Variants in GPRIN3 observed in about 807,000 individuals in gnomAD.
GPRIN3 encodes GPRIN family member 3, also known as G protein-regulated inducer of neurite outgrowth 3.
Under a neutral mutation model 13.7 loss-of-function variants are expected in GPRIN3, and 12 were observed. The observed-to-expected ratio is 0.87, with a 90% CI of 0.56 to 1.42. The LOEUF is 1.42. Ranked by LOEUF, GPRIN3 falls within the 40% of genes most tolerant of loss-of-function variation. The probability of loss-of-function intolerance (pLI) is 0.00; values close to 1 mark genes in which losing one functional copy is unlikely to be tolerated. For synonymous variants in GPRIN3, 377 were observed against 372.7 expected (o/e 1.01, Z -0.13); for missense variants, 1,009 against 958.7 (o/e 1.05, Z -0.69).
intron 1 of GPRIN3, among the ~76,000 whole-genome samples, chr4:89,256,162 T>C (rs1405014506): frequency 1.3e-5 from 2 of 152,186 alleles, no homozygotes; most frequent in Non-Finnish European, 2.9e-5. Flanking sequence ...TGCTTCCTTA[T>C]TAACTGTAAC....
intron 1 of GPRIN3, among the ~76,000 whole-genome samples, chr4:89,270,612 A>G (rs1271170692): frequency 7.6e-6 from 1 of 131,844 alleles, no homozygotes; most frequent in Non-Finnish European, 1.6e-5. Flanking sequence ...AAATATAGAT[A>G]TATATGCAGC....
At chr4:89,271,635 G>A (rs1267379509) in intron 1 of GPRIN3, among the ~76,000 whole-genome samples, 1 of 151,930 alleles carries the variant, frequency 6.6e-6, no homozygotes, top group Non-Finnish European at 1.5e-5. Context: ...TTTGATCCAT[G>A]GTTGGAGGAA....
In GPRIN3 at chr4:89,247,926, T is replaced by C. The variant is rs766826536; in HGVS notation, c.2185A>G (p.Ser729Gly). The change falls in exon 2 of 2, where the codon AGC (serine) becomes GGC (glycine). Residue 729 changes from serine to glycine, a missense_variant. Transcript: ENST00000609438. ...GAGGAAATGGATCTCCGGGTCTGGC[T>C]ATTTTGAGTTTTGATTAATTTCTCA... ...EHEKLIKTQN[S>G]QTRRSISSDT... The C allele has an allele frequency of 3.8e-5, 61 of 1,614,064 alleles. No individual in the cohort carries two copies. Among genetic ancestry groups the C allele is most frequent in the Non-Finnish European group, 4.5e-5 (53 of 1,180,018 alleles).
In GPRIN3 at chr4:89,275,464, G is replaced by A. The variant is rs545231970; in HGVS notation, c.-123-25231C>T. Among the ~76,000 whole-genome samples, 43 of 152,240 alleles carry A rather than the reference G, an allele frequency of 2.8e-4. 2 individuals are homozygous for A. The South Asian group carries it at 8.9e-3, about 32-fold the overall frequency. ...CACATTCCTTGACCTTAGGTTATGT[G>A]GGTATCTTGGAATCAGTAGAAAAAG... On this transcript the variant is annotated intron_variant, in intron 1 of 1. Coordinates refer to ENST00000609438, the MANE Select transcript of GPRIN3 (RefSeq NM_198281.3).
In GPRIN3 at chr4:89,248,933, T is replaced by A. The variant is rs1165691051; in HGVS notation, c.1178A>T (p.His393Leu). 3 of 1,614,224 alleles carry A rather than the reference T, an allele frequency of 1.9e-6. No individual in the cohort carries two copies. The highest frequency in any genetic ancestry group is 2.5e-6 in the Non-Finnish European group (3 of 1,180,030). Residue 393 changes from histidine to leucine, a missense_variant, in exon 2 of 2, where the codon CAC (histidine) becomes CTC (leucine). By Grantham distance (99) the His-to-Leu change is moderately conservative. Transcript: ENST00000609438. The stretch of plus-strand genomic sequence containing the variant: ...AGACTCAGCTGCAGCTGCCTGAATG[T>A]GCACCTGTGGCATGATGCCAGGGCA... ...SQCPGIMPQVHIQAAAAESTA... is the reference protein window; with the variant it reads ...SQCPGIMPQVLIQAAAAESTA...
rs373856944 is a variant in GPRIN3, at chr4:89,248,903, G to C, written c.1208C>G (p.Ala403Gly). The C allele has an allele frequency of 8.1e-6, 13 of 1,614,074 alleles. No individual in the cohort carries two copies. The South Asian group carries it at 1.1e-4, about 14-fold the overall frequency. ...HIQAAAAEST[A>G]FQRENKLASL... ...CGCAAGTTTATTTTCCCGTTGGAAA[G>C]CTGTAGACTCAGCTGCAGCTGCCTG... Residue 403 changes from alanine to glycine, a missense_variant, in exon 2 of 2, where the codon GCT (alanine) becomes GGT (glycine). Coordinates refer to ENST00000609438, the MANE Select transcript of GPRIN3 (RefSeq NM_198281.3).
At chr4:89,283,812 T>G (rs1381714553) in intron 1 of GPRIN3, among the ~76,000 whole-genome samples, 1 of 151,510 alleles carries the variant, frequency 6.6e-6, no homozygotes, top group African/African-American at 2.4e-5. Flanking sequence ...TGGTTGAGGG[T>G]GGGGTGGGGC....
chr4:89,262,537 G>A (rs894697759), intron 1 of GPRIN3, among the ~76,000 whole-genome samples: 1 of 152,208 alleles, frequency 6.6e-6, no homozygotes, highest in African/African-American at 2.4e-5. Flanking sequence ...TGTCAGTGAT[G>A]ATGGATTCGT....
chr4:89,253,155 G>C (rs7440107), intron 1 of GPRIN3, among the ~76,000 whole-genome samples: 1 of 152,066 alleles, frequency 6.6e-6, no homozygotes, highest in East Asian at 1.9e-4. Context: ...GCCCCGGAAG[G>C]AAAAGAAAGA....
Position 89,306,484 on chromosome 4 carries a change from C to T in GPRIN3, c.-124+1131G>A, listed in dbSNP as rs147076951. On this transcript the variant is annotated intron_variant, in intron 1 of 1. Transcript: ENST00000609438. ...TGTAAACACTTCAGTTTCTTCTAGT[C>T]CCACCATGACCCAGATACCTTGCAA... Among the ~76,000 whole-genome samples the T allele has an allele frequency of 8.2e-3, 1,245 of 152,280 alleles. 12 individuals are homozygous for T. Among genetic ancestry groups the T allele is most frequent in the Middle Eastern group, 0.021 (6 of 292 alleles).
At chr4:89,274,422 C>T (rs187533172) in intron 1 of GPRIN3, among the ~76,000 whole-genome samples, 9 of 152,140 alleles carry the variant, frequency 5.9e-5, no homozygotes, top group East Asian at 3.9e-4. Context: ...CCAGGGGGTT[C>T]GTGACGTCAA....
chr4:89,279,339 C>A (rs994201328), intron 1 of GPRIN3, among the ~76,000 whole-genome samples: 3 of 152,206 alleles, frequency 2.0e-5, no homozygotes, highest in African/African-American at 7.2e-5. Flanking sequence ...CGCCCTGCCA[C>A]CATGGCCATA....
chr4:89,260,723 T>C (rs1369252569), intron 1 of GPRIN3, among the ~76,000 whole-genome samples: 3 of 152,146 alleles, frequency 2.0e-5, no homozygotes, highest in African/African-American at 7.2e-5. Context: ...CTAGAAAAAG[T>C]TGCCCCTATG....
intron 1 of GPRIN3, among the ~76,000 whole-genome samples, chr4:89,300,622 G>A (rs931239668): frequency 7.9e-5 from 12 of 152,150 alleles, no homozygotes; most frequent in African/African-American, 2.9e-4. Context: ...GATGCTCACA[G>A]CAAAGCTTTC....
chr4:89,291,572 A>G (rs553645140), intron 1 of GPRIN3, among the ~76,000 whole-genome samples: 1 of 152,194 alleles, frequency 6.6e-6, no homozygotes, highest in Non-Finnish European at 1.5e-5. Context: ...TTATTCCTTT[A>G]CTAGTTGAGG....
chr4:89,270,288 T>C (rs1320580140), intron 1 of GPRIN3, among the ~76,000 whole-genome samples: 1 of 151,526 alleles, frequency 6.6e-6, no homozygotes, highest in Non-Finnish European at 1.5e-5. Context: ...ACCTGGCGAC[T>C]AAGTAAGTCT....
chr4:89,275,915 T>A (rs1724080830), intron 1 of GPRIN3, among the ~76,000 whole-genome samples: 1 of 152,210 alleles, frequency 6.6e-6, no homozygotes, highest in Non-Finnish European at 1.5e-5. Context: ...GGGTCAGTTT[T>A]ATGTGGAGCT....
intron 1 of GPRIN3, among the ~76,000 whole-genome samples, chr4:89,258,666 G>T (rs1484191480): frequency 6.6e-6 from 1 of 152,192 alleles, no homozygotes; most frequent in African/African-American, 2.4e-5. Flanking sequence ...CTGGGTATGG[G>T]GAGGGCACCC....
At chr4:89,304,775 A>T (rs1724991159) in intron 1 of GPRIN3, among the ~76,000 whole-genome samples, 1 of 152,094 alleles carries the variant, frequency 6.6e-6, no homozygotes, top group Non-Finnish European at 1.5e-5. Context: ...TTTTCCCCTG[A>T]GCCCTATTCT....
Sources: allele counts gnomAD v4.1 joint callset (sites outside exome capture counted in the v4.1 genomes callset), GRCh38; gene constraint gnomAD v4.1.1; transcripts MANE v1.5; gene names NCBI Gene and HGNC (gene_info 2026-07-23, HGNC 2026-07-21).